Variants in BCOR observed in about 807,000 individuals in gnomAD.
BCOR encodes BCL-6 corepressor.
Under a neutral mutation model 86.7 loss-of-function variants are expected in BCOR, and 10 were observed. That is an observed-to-expected ratio of 0.12 (90% CI 0.07 to 0.20). The LOEUF is 0.20. Among genes scored for constraint, BCOR ranks in the 10% least tolerant of loss-of-function variants. The pLI, the probability that BCOR is intolerant of heterozygous loss-of-function variation, is 1.00. For missense variants in BCOR, 1,259 were observed against 1,452.1 expected, an observed-to-expected ratio of 0.87 and a Z score of 2.16; for synonymous variants, 611 against 609.0, an observed-to-expected ratio of 1.00 and a Z score of -0.05.
chrX:40,164,702 C>T (rs764810222), intron 1 of BCOR, among the ~76,000 whole-genome samples: 1 of 112,165 alleles, frequency 8.9e-6, no homozygotes, highest in South Asian at 3.7e-4. Flanking sequence ...CTTCTCTTCT[C>T]TCTTGTTTTT....
intron 1 of BCOR, among the ~76,000 whole-genome samples, chrX:40,116,087 C>T (rs1937389108): frequency 1.8e-5 from 2 of 111,742 alleles, no homozygotes; most frequent in Admixed American, 9.5e-5. Flanking sequence ...AAAAGAGAGT[C>T]ACTAATGTTC....
rs2044151754 is a variant in BCOR, at chrX:40,055,638, G to GCACAGC, written c.4596-126_4596-125insGCTGTG. Reference sequence around the variant, plus strand: ...GCACCTTGGGTACTGAGCCTCCTAAGCACAGTATTTCATCCAGGAGGTGTG... The same window carrying GCACAGC: ...GCACCTTGGGTACTGAGCCTCCTAAGCACAGCCACAGTATTTCATCCAGGAGGTGTG... On this transcript the variant is annotated intron_variant, in intron 11 of 14. Transcript: ENST00000378444. 1.4e-5 allele frequency: 11 copies of GCACAGC among 768,490 alleles called. No homozygotes were observed. The South Asian group carries it at 2.6e-4, about 18-fold the overall frequency. 63.3% of individuals were successfully genotyped at this position (768,490 alleles called of 1,213,427 possible). A position where few individuals can be genotyped will look rare whatever the true frequency, so the allele number is the denominator to read the frequency against.
chrX:40,080,963 GCACGCA>G (rs1936070994), intron 1 of BCOR, among the ~76,000 whole-genome samples: 1 of 62,821 alleles, frequency 1.6e-5, no homozygotes. Flanking sequence ...ACACGTGCAC[GCACGCA>G]CACGCGCACA....
upstream of BCOR, among the ~76,000 whole-genome samples, chrX:40,101,621 G>A (rs1413971266): frequency 8.9e-6 from 1 of 112,655 alleles, no homozygotes; most frequent in African/African-American, 3.2e-5. Flanking sequence ...TCTCAAGGCA[G>A]GTTGACTCTG....
rs2147332885 is a variant in BCOR, at chrX:40,077,933, G to A, written c.-4C>T. 1 of 1,201,144 alleles carries A rather than the reference G, an allele frequency of 8.3e-7. No homozygotes were observed. Among genetic ancestry groups the A allele is most frequent in the Non-Finnish European group, 1.1e-6 (1 of 885,394 alleles). On this transcript the variant is annotated 5_prime_UTR_variant, in exon 2 of 15. It adds an upstream start codon to the 5' untranslated region. Transcript: ENST00000378444. ...ACAGGGGGGTTGCTGAGAGCATGTC[G>A]TCTTCTGGGATGGCAGCTTTGCTTC...
chrX:40,150,245 A>G (rs1240490911), intron 1 of BCOR, among the ~76,000 whole-genome samples: 1 of 112,377 alleles, frequency 8.9e-6, no homozygotes, highest in Non-Finnish European at 1.9e-5. Flanking sequence ...TTTTTCCACT[A>G]CGGAAAGGGA....
At chrX:40,171,461 G>C (rs1263005452) in intron 1 of BCOR, among the ~76,000 whole-genome samples, 2 of 109,252 alleles carry the variant, frequency 1.8e-5, no homozygotes, top group Non-Finnish European at 3.8e-5. Context: ...TCCCGGGTAT[G>C]GGTGGGGGAT....
chrX:40,054,082 T>C (rs755376642), intron 13 of BCOR, 40 bp from the exon 14 acceptor site: 1 of 1,186,476 alleles, frequency 8.4e-7, no homozygotes, highest in Non-Finnish European at 1.1e-6. Flanking sequence ...ATCAGTAAAC[T>C]ACAGCAAGAT....
chrX:40,066,121 G>A (rs754138658), intron 6 of BCOR, among the ~76,000 whole-genome samples: 1 of 111,714 alleles, frequency 9.0e-6, no homozygotes, highest in African/African-American at 3.3e-5. Context: ...TCACGACAGT[G>A]CACTGTATGG....
intron 1 of BCOR, among the ~76,000 whole-genome samples, chrX:40,133,076 C>T (rs765989090): frequency 4.5e-5 from 5 of 112,209 alleles, no homozygotes; most frequent in Non-Finnish European, 9.4e-5. Context: ...CAAAATATAG[C>T]AGTTTCAGAA....
intron 1 of BCOR, among the ~76,000 whole-genome samples, chrX:40,143,645 A>G (rs749641217): frequency 8.8e-6 from 1 of 113,035 alleles, no homozygotes; most frequent in Non-Finnish European, 1.9e-5. Context: ...TTCTTAAGTT[A>G]TAACAAATAT....
intron 7 of BCOR, 87 bp downstream of exon 7, chrX:40,064,249 G>A (rs769644219): frequency 3.7e-5 from 43 of 1,162,735 alleles, no homozygotes; most frequent in Non-Finnish European, 4.6e-5. Context: ...GGGGCAGCGC[G>A]CCGCACATCC....
chrX:40,069,343 T>TC (rs1224176812), intron 6 of BCOR, among the ~76,000 whole-genome samples: 3 of 112,042 alleles, frequency 2.7e-5, no homozygotes, highest in Non-Finnish European at 5.6e-5. Context: ...CAGGGCCCTG[T>TC]CCTGGGTGCT....
intron 1 of BCOR, among the ~76,000 whole-genome samples, chrX:40,083,454 G>C (rs1936205058): frequency 8.9e-6 from 1 of 112,529 alleles, no homozygotes; most frequent in Admixed American, 9.2e-5. Flanking sequence ...AAGGGGGAGG[G>C]GGAAGGGGAA....
At chrX:40,132,711 G>C (rs1489994408) in intron 1 of BCOR, among the ~76,000 whole-genome samples, 3 of 112,483 alleles carry the variant, frequency 2.7e-5, no homozygotes, top group Non-Finnish European at 5.6e-5. Flanking sequence ...TCACACACCT[G>C]GTAAGTGGCA....
At chrX:40,103,585 T>C (rs912218419) in intron 1 of BCOR, among the ~76,000 whole-genome samples, 2 of 111,246 alleles carry the variant, frequency 1.8e-5, no homozygotes, top group Non-Finnish European at 3.8e-5. Context: ...CACCCAGCCT[T>C]CCACCCTGGA....
chrX:40,095,126 T>C (rs965578339), intron 1 of BCOR, among the ~76,000 whole-genome samples: 6 of 111,251 alleles, frequency 5.4e-5, no homozygotes, highest in African/African-American at 2.0e-4. Context: ...TAAACCTGGA[T>C]GGCATATTAA....
intron 1 of BCOR, among the ~76,000 whole-genome samples, chrX:40,155,995 G>A (rs968553034): frequency 3.5e-5 from 4 of 113,007 alleles, no homozygotes; most frequent in Non-Finnish European, 5.6e-5. Context: ...CAGTGGCTCC[G>A]AGTTCTGGGC....
intron 1 of BCOR, among the ~76,000 whole-genome samples, chrX:40,133,028 T>C (rs900577938): frequency 3.6e-5 from 4 of 112,649 alleles, no homozygotes; most frequent in Non-Finnish European, 7.5e-5. Context: ...TCAGCCAGGT[T>C]ATTACAGAAA....
Sources: allele counts gnomAD v4.1 joint callset (sites outside exome capture counted in the v4.1 genomes callset), GRCh38; gene constraint gnomAD v4.1.1; transcripts MANE v1.5; gene names NCBI Gene and HGNC (gene_info 2026-07-23, HGNC 2026-07-21).